CREBBP: variants seen among roughly 807,000 people sequenced by gnomAD.
CREBBP encodes CREB binding lysine acetyltransferase.
In CREBBP, 19 loss-of-function variants were observed where a neutral mutation model predicts 265.0. That is an observed-to-expected ratio of 0.07 (90% CI 0.05 to 0.11). The LOEUF (loss-of-function observed/expected upper bound fraction) is 0.11, where lower values mean the gene tolerates loss of function less well. Among genes scored for constraint, CREBBP ranks in the 10% least tolerant of loss-of-function variants. The pLI is 1.00. For missense variants in CREBBP, 2,525 were observed against 3,219.0 expected, an observed-to-expected ratio of 0.78 and a Z score of 5.22; for synonymous variants, 1,457 against 1,223.7, an observed-to-expected ratio of 1.19 and a Z score of -3.98.
At chr16:3,879,738 G>T in intron 1 of CREBBP, 94 bp downstream of exon 1, 1 of 1,350,660 alleles carries the variant, frequency 7.4e-7, no homozygotes, top group Non-Finnish European at 1.0e-6. Context: ...CTCCCGGCTC[G>T]ATCGGTATCC....
At chr16:3,797,315 C>A (rs1320327541) in intron 3 of CREBBP, among the ~76,000 whole-genome samples, 1 of 152,152 alleles carries the variant, frequency 6.6e-6, no homozygotes, top group African/African-American at 2.4e-5. Flanking sequence ...CTGAAACATA[C>A]TATAAAGCTA....
chr16:3,847,501 A>T (rs1308205407), intron 2 of CREBBP, among the ~76,000 whole-genome samples: 1 of 152,148 alleles, frequency 6.6e-6, no homozygotes, highest in Non-Finnish European at 1.5e-5. Context: ...ACACATCTTT[A>T]AAAAAATGCA....
intron 26 of CREBBP, among the ~76,000 whole-genome samples, chr16:3,737,735 A>G (rs1433411539): frequency 2.0e-5 from 3 of 150,888 alleles, no homozygotes. Context: ...AAGTACTAGG[A>G]TTACAGACTA....
At chr16:3,756,210 A>C (rs974287279) in intron 19 of CREBBP, among the ~76,000 whole-genome samples, 1 of 152,212 alleles carries the variant, frequency 6.6e-6, no homozygotes, top group African/African-American at 2.4e-5. Context: ...ATTTGAACCT[A>C]AAGACAAAGA....
intron 1 of CREBBP, among the ~76,000 whole-genome samples, chr16:3,877,425 C>T (rs2055425784): frequency 6.6e-6 from 1 of 152,212 alleles, no homozygotes; most frequent in African/African-American, 2.4e-5. Flanking sequence ...CTTTTGGAGA[C>T]AGCGTCTCAC....
chr16:3,725,605 T>C lies in CREBBP; in HGVS notation c.*2113A>G, dbSNP rs911334901. 2 of 233,148 alleles carry C rather than the reference T, an allele frequency of 8.6e-6. No individual in the cohort carries two copies. Among genetic ancestry groups the C allele is most frequent in the African/African-American group, 2.2e-5 (1 of 45,340 alleles). The allele number at this position is 233,148 out of a possible 1,614,324, so 14.4% of individuals were successfully genotyped here. ...GCTTCCCCTCCTGGGATGGGGTGAA[T>C]GGGGGCTGGTCAGGGGTGCCAGATG... On this transcript the variant is annotated 3_prime_UTR_variant, in exon 31 of 31. Coordinates refer to ENST00000262367, the MANE Select transcript of CREBBP (RefSeq NM_004380.3).
chr16:3,829,282 T>C (rs539844522), intron 2 of CREBBP, among the ~76,000 whole-genome samples: 3 of 152,290 alleles, frequency 2.0e-5, no homozygotes, highest in African/African-American at 7.2e-5. Flanking sequence ...GTGAACTTAA[T>C]CCTCAGACGA....
intron 2 of CREBBP, among the ~76,000 whole-genome samples, chr16:3,835,698 G>A (rs2054433450): frequency 6.7e-6 from 1 of 149,870 alleles, no homozygotes; most frequent in Admixed American, 6.7e-5. Flanking sequence ...TCCTGCCTCA[G>A]CCTCCCGAGT....
At chr16:3,738,809 G>GC in intron 25 of CREBBP, 137 bp from the exon 26 acceptor site, 1 of 687,542 alleles carries the variant, frequency 1.5e-6, no homozygotes, top group Non-Finnish European at 2.6e-6. Context: ...GCGGTGACGC[G>GC]GTCACAGCTC....
At chr16:3,780,528 CTCTT>C (rs1435501783) in intron 8 of CREBBP, among the ~76,000 whole-genome samples, 200 bp downstream of exon 8, 1 of 152,180 alleles carries the variant, frequency 6.6e-6, no homozygotes, top group Non-Finnish European at 1.5e-5. Flanking sequence ...CACCAATGCT[CTCTT>C]TGTCACCCCC....
intron 2 of CREBBP, among the ~76,000 whole-genome samples, chr16:3,814,570 T>C (rs1054436145): frequency 6.6e-6 from 1 of 152,082 alleles, no homozygotes; most frequent in African/African-American, 2.4e-5. Flanking sequence ...ACTGGTCAAT[T>C]TCAAAGGGTA....
At chr16:3,816,782 G>C (rs535425929) in intron 2 of CREBBP, among the ~76,000 whole-genome samples, 4 of 152,292 alleles carry the variant, frequency 2.6e-5, no homozygotes, top group East Asian at 1.9e-4. Flanking sequence ...CACCTTCCTG[G>C]AACATTCTCT....
At chr16:3,799,134 G>A in intron 3 of CREBBP, among the ~76,000 whole-genome samples, 1 of 152,178 alleles carries the variant, frequency 6.6e-6, no homozygotes, top group East Asian at 1.9e-4. Context: ...ATCCATGGGG[G>A]TAGAAAGACT....
intron 2 of CREBBP, 21 bp downstream of exon 2, chr16:3,850,276 A>C: frequency 1.2e-6 from 2 of 1,613,398 alleles, no homozygotes; most frequent in South Asian, 1.1e-5. Flanking sequence ...GGAAGTATTG[A>C]AAGTGCTTCA....
intron 16 of CREBBP, among the ~76,000 whole-genome samples, chr16:3,765,884 A>G (rs1401911111): frequency 6.6e-6 from 1 of 152,062 alleles, no homozygotes; most frequent in Non-Finnish European, 1.5e-5. Flanking sequence ...GCTCCAGGCT[A>G]GAGTGCAGTG....
intron 2 of CREBBP, among the ~76,000 whole-genome samples, chr16:3,812,773 C>CT (rs1381310629): frequency 6.6e-6 from 1 of 152,120 alleles, no homozygotes; most frequent in Non-Finnish European, 1.5e-5. Flanking sequence ...CCTGTCTTTG[C>CT]TTTTTTGCAA....
intron 2 of CREBBP, among the ~76,000 whole-genome samples, chr16:3,811,748 C>T (rs2053941869): frequency 6.6e-6 from 1 of 152,178 alleles, no homozygotes; most frequent in Non-Finnish European, 1.5e-5. Flanking sequence ...TCCACCTTGG[C>T]CTCCCAAAGT....
chr16:3,782,737 T>C lies in CREBBP; in HGVS notation c.1520A>G (p.Gln507Arg), dbSNP rs766320521. 6 of 1,614,072 alleles carry C rather than the reference T, an allele frequency of 3.7e-6. No individual in the cohort carries two copies. The East Asian group carries it at 1.1e-4, about 30-fold the overall frequency. Reference protein sequence around the residue: ...QTQLQPQVPGQQPAQPQTHQQ... With the variant: ...QTQLQPQVPGRQPAQPQTHQQ... Reference sequence around the variant, plus strand: ...GTGGGTTTGAGGCTGTGCTGGTTGCTGGCCAGGAACCTGAGGCTGCAGCTG... The same window carrying C: ...GTGGGTTTGAGGCTGTGCTGGTTGCCGGCCAGGAACCTGAGGCTGCAGCTG... The change falls in exon 6 of 31, where the codon CAG becomes CGG. Residue 507 changes from glutamine (Q) to arginine (R), a missense_variant. Physicochemically the swap from Gln to Arg is conservative, Grantham distance 43. This residue lies in a region of CREBBP where 144 missense variants were observed against 134.0 expected (regional missense o/e 1.07). Coordinates refer to ENST00000262367, the MANE Select transcript of CREBBP (RefSeq NM_004380.3).
intron 2 of CREBBP, among the ~76,000 whole-genome samples, chr16:3,836,455 A>G (rs1457486214): frequency 2.0e-5 from 3 of 151,704 alleles, no homozygotes; most frequent in African/African-American, 7.3e-5. Flanking sequence ...AAAAAGAAAA[A>G]AAAGAAAAAA....
Sources: gnomAD v4.1 joint callset for allele counts (sites outside exome capture counted in the v4.1 genomes callset) on GRCh38, gnomAD v4.1.1 for gene constraint, gnomAD v4.1.1 regional missense constraint, MANE v1.5 for transcripts, NCBI Gene and HGNC (gene_info 2026-07-23, HGNC 2026-07-21) for gene names.